Variants in LARGE1 observed in about 807,000 individuals in gnomAD.
The protein encoded by LARGE1 is LARGE xylosyl- and glucuronyltransferase 1.
In LARGE1, 43 loss-of-function variants were observed where a neutral mutation model predicts 87.6. That is an observed-to-expected ratio of 0.49 (90% CI 0.38 to 0.63). The LOEUF (loss-of-function observed/expected upper bound fraction) is 0.63. LARGE1 is among the 30% of genes least tolerant of loss of function. The pLI is 0.00. For synonymous variants in LARGE1, 434 were observed against 394.6 expected (o/e 1.10, Z -1.18); for missense variants, 802 against 1,000.2 (o/e 0.80, Z 2.67).
At chr22:33,403,367 T>C (rs2283902) in intron 7 of LARGE1, among the ~76,000 whole-genome samples, 48,375 of 152,032 alleles carry the variant, frequency 0.32, 8,548 homozygotes, top group African/African-American at 0.47. Context: ...ATTCCACTTG[T>C]GTTAACATCA....
chr22:33,888,235 A>G (rs558829259), intron 1 of LARGE1, among the ~76,000 whole-genome samples: 1 of 152,258 alleles, frequency 6.6e-6, no homozygotes, highest in South Asian at 2.1e-4. Flanking sequence ...ATTTTAGATG[A>G]CATCAAAAGG....
chr22:33,572,106 C>T (rs2078222387), intron 5 of LARGE1: 3 of 724,166 alleles, frequency 4.1e-6, no homozygotes, highest in Middle Eastern at 5.6e-4. Flanking sequence ...TCTCCTCTGC[C>T]ATACTGGAAA....
chr22:33,766,913 CATATATATATATATATATAT>C (rs34406131), intron 1 of LARGE1, among the ~76,000 whole-genome samples: 4,093 of 111,456 alleles, frequency 0.037, 98 homozygotes, highest in Middle Eastern at 0.058. Context: ...TAAACATATA[CATATATATATATATATATAT>C]ATATATATAT....
intron 2 of LARGE1, among the ~76,000 whole-genome samples, chr22:33,729,503 T>G (rs1340688950): frequency 1.3e-5 from 2 of 152,222 alleles, no homozygotes; most frequent in East Asian, 3.9e-4. Flanking sequence ...GAGATAAATA[T>G]GCTAATAATA....
At chr22:33,486,234 C>T (rs2069566391) in intron 6 of LARGE1, among the ~76,000 whole-genome samples, 1 of 152,192 alleles carries the variant, frequency 6.6e-6, no homozygotes, top group South Asian at 2.1e-4. Flanking sequence ...GTGGGTGGTG[C>T]CTGAAGGCGC....
chr22:33,738,650 G>C (rs1329854273), intron 2 of LARGE1, among the ~76,000 whole-genome samples: 1 of 152,060 alleles, frequency 6.6e-6, no homozygotes, highest in Non-Finnish European at 1.5e-5. Flanking sequence ...ACGAGGTCAG[G>C]AGATGGAGAC....
intron 13 of LARGE1, among the ~76,000 whole-genome samples, chr22:33,278,005 GT>G (rs1180218986): frequency 1.3e-5 from 2 of 152,294 alleles, no homozygotes; most frequent in Middle Eastern, 3.4e-3. Context: ...GAGTATGTAT[GT>G]GATCACTCCT....
At chr22:33,832,588 C>T (rs890801061) in intron 1 of LARGE1, among the ~76,000 whole-genome samples, 5 of 152,180 alleles carry the variant, frequency 3.3e-5, no homozygotes, top group African/African-American at 7.2e-5. Flanking sequence ...CAGGAAGGGT[C>T]GATTAAGATG....
At chr22:33,207,454 C>A (rs1216806832) in intron 11 of LARGE1, among the ~76,000 whole-genome samples, 1 of 152,164 alleles carries the variant, frequency 6.6e-6, no homozygotes, top group Admixed American at 6.5e-5. Context: ...CTCCAAATAT[C>A]TATTCCCCTT....
intron 2 of LARGE1, among the ~76,000 whole-genome samples, chr22:33,723,058 G>A (rs909928125): frequency 1.3e-5 from 2 of 152,314 alleles, no homozygotes; most frequent in South Asian, 4.1e-4. Context: ...GAGTGGCACA[G>A]CCTTTGAGGA....
At chr22:33,573,297 G>T (rs912142227) in intron 5 of LARGE1, among the ~76,000 whole-genome samples, 1 of 152,006 alleles carries the variant, frequency 6.6e-6, no homozygotes, top group Non-Finnish European at 1.5e-5. Context: ...AAATTAGCCG[G>T]GCGTGGTGGT....
intron 10 of LARGE1, among the ~76,000 whole-genome samples, chr22:33,331,528 C>T (rs1218869783): frequency 6.6e-6 from 1 of 151,844 alleles, no homozygotes; most frequent in Admixed American, 6.6e-5. Context: ...CTGTCTCAGC[C>T]TCCCGAGTAC....
the LARGE1 span, among the ~76,000 whole-genome samples, chr22:33,129,877 T>G: frequency 6.6e-6 from 1 of 152,180 alleles, no homozygotes; most frequent in Non-Finnish European, 1.5e-5. Flanking sequence ...GGTCCAACCT[T>G]TGACACGTGG....
chr22:33,293,128 G>C (rs1932832189), intron 12 of LARGE1, among the ~76,000 whole-genome samples: 1 of 152,184 alleles, frequency 6.6e-6, no homozygotes, highest in Non-Finnish European at 1.5e-5. Context: ...TCAAGAAGCA[G>C]GAGTTAGCCA....
At chr22:33,402,957 C>A (rs185364089) in intron 7 of LARGE1, among the ~76,000 whole-genome samples, 2 of 152,200 alleles carry the variant, frequency 1.3e-5, no homozygotes, top group African/African-American at 4.8e-5. Flanking sequence ...AGATTCAAAT[C>A]CAGTTTCACT....
chr22:33,916,866 G>A (rs2065802757), intron 1 of LARGE1, among the ~76,000 whole-genome samples: 1 of 152,184 alleles, frequency 6.6e-6, no homozygotes, highest in African/African-American at 2.4e-5. Context: ...GGTGCTCAAT[G>A]GCAAATGCGA....
chr22:33,597,477 C>A (rs140788852), intron 5 of LARGE1, among the ~76,000 whole-genome samples: 2 of 152,030 alleles, frequency 1.3e-5, no homozygotes, highest in Non-Finnish European at 2.9e-5. Context: ...TCCTAAAGGA[C>A]GGCAGGGGGC....
intron 1 of LARGE1, among the ~76,000 whole-genome samples, chr22:33,885,910 A>G (rs1319992043): frequency 6.6e-6 from 1 of 152,094 alleles, no homozygotes; most frequent in Non-Finnish European, 1.5e-5. Flanking sequence ...CGTTCCTATA[A>G]TCCCAGCTAC....
chr22:33,377,816 C>T (rs1047584378), intron 9 of LARGE1, among the ~76,000 whole-genome samples: 4 of 152,184 alleles, frequency 2.6e-5, no homozygotes, highest in African/African-American at 9.6e-5. Context: ...CACTAATTCT[C>T]TCTTCAGCTG....
Sources: gnomAD v4.1 joint callset for allele counts (sites outside exome capture counted in the v4.1 genomes callset) on GRCh38, gnomAD v4.1.1 for gene constraint, MANE v1.5 for transcripts, NCBI Gene and HGNC (gene_info 2026-07-23, HGNC 2026-07-21) for gene names.